The following PLCZ1 variants were observed in gnomAD, a reference collection of about 807,000 sequenced individuals.
PLCZ1 encodes the protein phospholipase C zeta 1.
In PLCZ1, 64 loss-of-function variants were observed where a neutral mutation model predicts 76.8. The ratio of observed to expected loss-of-function variants is 0.83; its 90% confidence interval spans 0.68 to 1.03. The LOEUF (loss-of-function observed/expected upper bound fraction) is 1.03. Among genes scored for constraint, PLCZ1 ranks in the 50% least tolerant of loss-of-function variants. PLCZ1 has a pLI of 0.00. For missense variants in PLCZ1, 751 were observed against 713.7 expected, an observed-to-expected ratio of 1.05 and a Z score of -0.60; for synonymous variants, 248 against 230.8, an observed-to-expected ratio of 1.07 and a Z score of -0.68.
chr12:18,673,717 C>T, the PLCZ1 span, among the ~76,000 whole-genome samples: 1 of 152,188 alleles, frequency 6.6e-6, no homozygotes, highest in African/African-American at 2.4e-5. Context: ...TACAAAGGGT[C>T]TGCAGTCTCA....
chr12:18,710,831 G>T (rs1373303525), intron 6 of PLCZ1, among the ~76,000 whole-genome samples: 7 of 152,160 alleles, frequency 4.6e-5, no homozygotes, highest in Admixed American at 4.6e-4. Flanking sequence ...AAACCACAAT[G>T]AGATGCAATC....
chr12:18,690,977 C>A (rs1028122579), intron 12 of PLCZ1, among the ~76,000 whole-genome samples: 1 of 152,130 alleles, frequency 6.6e-6, no homozygotes, highest in East Asian at 1.9e-4. Context: ...GTAGCAAAAT[C>A]TCTCCGGTCA....
chr12:18,697,098 C>T (rs1397173135), intron 10 of PLCZ1, among the ~76,000 whole-genome samples: 1 of 152,016 alleles, frequency 6.6e-6, no homozygotes, highest in Non-Finnish European at 1.5e-5. Flanking sequence ...TCATGCTTCT[C>T]CAAGGATTTT....
intron 12 of PLCZ1, among the ~76,000 whole-genome samples, chr12:18,692,568 A>G (rs1467222668): frequency 6.6e-6 from 1 of 152,168 alleles, no homozygotes; most frequent in Non-Finnish European, 1.5e-5. Flanking sequence ...AGTCTGGAGG[A>G]AAGGTGCTAG....
chr12:18,704,588 A>G (rs932077581), intron 7 of PLCZ1, among the ~76,000 whole-genome samples: 3 of 152,088 alleles, frequency 2.0e-5, no homozygotes, highest in Non-Finnish European at 4.4e-5. Flanking sequence ...CAGCCTCCCA[A>G]GGTGCTGGGA....
At chr12:18,652,186 A>G in the PLCZ1 span, among the ~76,000 whole-genome samples, 3 of 152,068 alleles carry the variant, frequency 2.0e-5, no homozygotes, top group Non-Finnish European at 2.9e-5. Flanking sequence ...AAGGTTACTA[A>G]AGATGTAATT....
chr12:18,688,048 G>A (rs1191431193), intron 13 of PLCZ1, 41 bp downstream of exon 13: 1 of 1,601,516 alleles, frequency 6.2e-7, no homozygotes, highest in South Asian at 1.1e-5. Context: ...TTTCCAACAA[G>A]AAGTCTAATG....
chr12:18,651,673 C>A, the PLCZ1 span, among the ~76,000 whole-genome samples: 1 of 152,156 alleles, frequency 6.6e-6, no homozygotes, highest in Admixed American at 6.5e-5. Flanking sequence ...CCGGCCTGAA[C>A]AGCCTTTGAA....
At chr12:18,646,420 T>C in the PLCZ1 span, among the ~76,000 whole-genome samples, 4 of 152,190 alleles carry the variant, frequency 2.6e-5, no homozygotes, top group Admixed American at 2.0e-4. Flanking sequence ...TCGCATATCA[T>C]ATTGTATCTC....
chr12:18,723,289 A>G, intron 4 of PLCZ1, 22 bp downstream of exon 4: 1 of 1,581,082 alleles, frequency 6.3e-7, no homozygotes. Context: ...TATTCCGATA[A>G]AAGTTTGAAA....
intron 13 of PLCZ1, among the ~76,000 whole-genome samples, chr12:18,684,943 C>T (rs980860167): frequency 6.6e-6 from 1 of 151,924 alleles, no homozygotes. Context: ...CCTGCTGCCA[C>T]ATGAAAAGGT....
chr12:18,677,262 T>A, the PLCZ1 span, among the ~76,000 whole-genome samples: 2 of 151,976 alleles, frequency 1.3e-5, no homozygotes, highest in African/African-American at 2.4e-5. Context: ...AACCAGCATA[T>A]GAATTGAGGA....
At chr12:18,680,968 T>C (rs1952351523), downstream of PLCZ1, among the ~76,000 whole-genome samples, 1 of 152,066 alleles carries the variant, frequency 6.6e-6, no homozygotes, top group African/African-American at 2.4e-5. Context: ...GTCATTTATG[T>C]CAGCCAGGAT....
At chr12:18,673,898 T>C in the PLCZ1 span, among the ~76,000 whole-genome samples, 6 of 152,328 alleles carry the variant, frequency 3.9e-5, no homozygotes, top group South Asian at 2.1e-4. Flanking sequence ...GGCAGCTTGC[T>C]TCATCATAGT....
intron 5 of PLCZ1, among the ~76,000 whole-genome samples, chr12:18,715,260 T>A (rs1957841354): frequency 7.3e-6 from 1 of 136,896 alleles, no homozygotes; most frequent in Non-Finnish European, 1.5e-5. Context: ...AGATAAAAGT[T>A]GGAAGAACCC....
chr12:18,732,678 T>C (rs1212584611), intron 3 of PLCZ1, among the ~76,000 whole-genome samples: 1 of 152,180 alleles, frequency 6.6e-6, no homozygotes, highest in African/African-American at 2.4e-5. Context: ...CTTCTATAAG[T>C]TTGACTGTTT....
chr12:18,667,433 G>A, the PLCZ1 span, among the ~76,000 whole-genome samples: 2 of 152,132 alleles, frequency 1.3e-5, no homozygotes, highest in Admixed American at 1.3e-4. Flanking sequence ...GGTCTCCAGA[G>A]TCAATATTAT....
At chr12:18,691,085 C>G (rs761021783) in intron 12 of PLCZ1, among the ~76,000 whole-genome samples, 2 of 152,008 alleles carry the variant, frequency 1.3e-5, no homozygotes, top group Non-Finnish European at 2.9e-5. Context: ...ATTCCTGATA[C>G]AGGAGAGCAG....
chr12:18,658,984 T>A, the PLCZ1 span, among the ~76,000 whole-genome samples: 9 of 152,162 alleles, frequency 5.9e-5, no homozygotes, highest in African/African-American at 2.2e-4. Context: ...ATGCAAGGAA[T>A]AACTCATGCT....
Sources: gnomAD v4.1 joint callset for allele counts (sites outside exome capture counted in the v4.1 genomes callset) on GRCh38, gnomAD v4.1.1 for gene constraint, MANE v1.5 for transcripts, NCBI Gene and HGNC (gene_info 2026-07-23, HGNC 2026-07-21) for gene names.